MALRD1: variants seen among roughly 807,000 people sequenced by gnomAD.
MALRD1 encodes the protein MAM and LDL-receptor class A domain-containing protein 1.
In MALRD1, 247 loss-of-function variants were observed where a neutral mutation model predicts 242.1. The observed-to-expected ratio is 1.02, with a 90% confidence interval of 0.92 to 1.13. The LOEUF is 1.13. MALRD1 is among the 50% of genes most tolerant of loss of function. The probability of loss-of-function intolerance (pLI) is 0.00; values close to 1 mark genes in which losing one functional copy is unlikely to be tolerated. For missense variants in MALRD1, 2,989 were observed against 2,533.1 expected, an observed-to-expected ratio of 1.18 and a Z score of -3.86; for synonymous variants, 995 against 866.6, an observed-to-expected ratio of 1.15 and a Z score of -2.60.
intron 14 of MALRD1, among the ~76,000 whole-genome samples, chr10:19,184,390 G>A (rs1041042247): frequency 1.3e-5 from 2 of 152,082 alleles, no homozygotes; most frequent in Admixed American, 6.5e-5. Flanking sequence ...TCTCCTGGAC[G>A]GGTTATTTGA....
chr10:19,684,662 G>T (rs1403255595), intron 36 of MALRD1, among the ~76,000 whole-genome samples: 1 of 152,204 alleles, frequency 6.6e-6, no homozygotes, highest in Non-Finnish European at 1.5e-5. Context: ...TGAGGCAGGA[G>T]AATCTGTTGA....
At chr10:19,298,409 C>A (rs1164185132) in intron 21 of MALRD1, among the ~76,000 whole-genome samples, 1 of 150,244 alleles carries the variant, frequency 6.7e-6, no homozygotes, top group East Asian at 2.0e-4. Flanking sequence ...TGGAATGGGA[C>A]AAAGGATGTG....
chr10:19,175,555 A>G (rs961693305), intron 14 of MALRD1, among the ~76,000 whole-genome samples: 2 of 150,578 alleles, frequency 1.3e-5, no homozygotes, highest in Admixed American at 1.3e-4. Flanking sequence ...CTATGCTTGC[A>G]GCTGAAATTA....
chr10:19,682,180 C>T (rs76983885), intron 36 of MALRD1, among the ~76,000 whole-genome samples: 3,076 of 152,096 alleles, frequency 0.02, 115 homozygotes, highest in African/African-American at 0.071. Flanking sequence ...CAGTTCCTAC[C>T]AAATTAATCG....
At chr10:19,181,070 T>G (rs1399433962) in intron 14 of MALRD1, among the ~76,000 whole-genome samples, 2 of 152,158 alleles carry the variant, frequency 1.3e-5, no homozygotes, top group Admixed American at 1.3e-4. Flanking sequence ...CGTAACACAT[T>G]TTAGTAAGAG....
intron 7 of MALRD1, among the ~76,000 whole-genome samples, chr10:19,125,405 C>T (rs1837250001): frequency 7.5e-6 from 1 of 132,768 alleles, no homozygotes; most frequent in African/African-American, 2.9e-5. Flanking sequence ...TTCCTTCCAT[C>T]CATGCTTCCT....
intron 26 of MALRD1, among the ~76,000 whole-genome samples, chr10:19,358,468 T>G (rs1292733049): frequency 6.6e-6 from 1 of 152,150 alleles, no homozygotes; most frequent in African/African-American, 2.4e-5. Context: ...AATATCTGAC[T>G]GGTTGTGTGT....
chr10:19,590,841 C>T (rs1589278183), intron 33 of MALRD1, among the ~76,000 whole-genome samples: 1 of 152,108 alleles, frequency 6.6e-6, no homozygotes, highest in African/African-American at 2.4e-5. Context: ...TAACATTCTG[C>T]ACCAGAGTGG....
rs372249790 is a variant in MALRD1 at position 19,292,675 on chromosome 10, G to C, written c.3419+9494G>C. Among the ~76,000 whole-genome samples, 32 of 152,028 alleles carry C rather than the reference G, an allele frequency of 2.1e-4. No individual in the cohort carries two copies. The East Asian group carries it at 5.5e-3, about 26-fold the overall frequency. On this transcript the variant is annotated intron_variant, in intron 21 of 39. Coordinates refer to ENST00000454679, the MANE Select transcript of MALRD1 (RefSeq NM_001142308.3). ...TGGGAGGCTGAGGCGGGCGGATCAC[G>C]AGGTCAGGAGATCGAGACCACCCTG...
chr10:19,351,970 T>C, intron 25 of MALRD1, 36 bp from the exon 26 acceptor site: 1 of 1,443,218 alleles, frequency 6.9e-7, no homozygotes, highest in Non-Finnish European at 9.4e-7. Flanking sequence ...ATTATACTAA[T>C]CATATCGTAT....
intron 18 of MALRD1, among the ~76,000 whole-genome samples, chr10:19,244,255 A>G (rs979841807): frequency 1.3e-5 from 2 of 152,146 alleles, no homozygotes; most frequent in Admixed American, 6.6e-5. Flanking sequence ...GCACGCTTAG[A>G]TAATTTTATG....
chr10:19,662,463 T>C (rs1191604477), intron 36 of MALRD1, among the ~76,000 whole-genome samples: 2 of 152,166 alleles, frequency 1.3e-5, no homozygotes, highest in African/African-American at 4.8e-5. Flanking sequence ...AATTAAATAC[T>C]ATTTTCGAGT....
chr10:19,598,078 A>C (rs1413474374), intron 34 of MALRD1, among the ~76,000 whole-genome samples: 1 of 152,186 alleles, frequency 6.6e-6, no homozygotes, highest in Non-Finnish European at 1.5e-5. Context: ...ATATAACGGT[A>C]CTTAACTTGG....
Position 19,238,543 on chromosome 10 carries a change from A to ATG in MALRD1, c.2992-19140_2992-19139insGT, listed in dbSNP as rs1564492967. Among the ~76,000 whole-genome samples, 336 of 88,840 alleles carry ATG rather than the reference A, an allele frequency of 3.8e-3. 39 individuals are homozygous for ATG. The highest frequency in any genetic ancestry group is 1.0e-2 in the African/African-American group (244 of 24,512). 58.3% of individuals were successfully genotyped at this position (88,840 alleles called of 152,430 possible). A position where few individuals can be genotyped will look rare whatever the true frequency, so the allele number is the denominator to read the frequency against. ...TTATATATAATATACATTATATATA[A>ATG]TATATAATGTATATTATATATAATA... On this transcript the variant is annotated intron_variant, in intron 18 of 39. Transcript: ENST00000454679.
chr10:19,606,977 A>C (rs1312957159), intron 34 of MALRD1, among the ~76,000 whole-genome samples: 1 of 152,162 alleles, frequency 6.6e-6, no homozygotes, highest in Non-Finnish European at 1.5e-5. Flanking sequence ...ATCAGATATA[A>C]TTAAATTAAT....
Position 19,063,834 on chromosome 10 carries a change from C to T in MALRD1, c.200-2885C>T, listed in dbSNP as rs867737698. Among the ~76,000 whole-genome samples, 26 of 151,822 alleles carry T rather than the reference C, an allele frequency of 1.7e-4. 2 individuals are homozygous for T. The Middle Eastern group carries it at 0.017, about 100-fold the overall frequency. ...GGGAGGGATAGCATTAGGAGATATA[C>T]CTAATGCTAAATGACGAGTTAATGG... On this transcript the variant is annotated intron_variant, in intron 1 of 39. Coordinates refer to ENST00000454679, the MANE Select transcript of MALRD1 (RefSeq NM_001142308.3).
intron 39 of MALRD1, among the ~76,000 whole-genome samples, chr10:19,731,331 G>T (rs1385324670): frequency 1.3e-5 from 2 of 151,876 alleles, no homozygotes; most frequent in Non-Finnish European, 2.9e-5. Flanking sequence ...AACCTTTCTT[G>T]TTCCTTTTTT....
intron 19 of MALRD1, among the ~76,000 whole-genome samples, chr10:19,267,852 C>G (rs1840031610): frequency 6.6e-6 from 1 of 151,940 alleles, no homozygotes; most frequent in Non-Finnish European, 1.5e-5. Context: ...TGATTGCAAT[C>G]TTAAATATTC....
Position 19,387,718 on chromosome 10 carries a change from T to A in MALRD1, c.4632T>A (p.Val1544=). ...QADNFDWVLG[V]GSHQSLRPPK... Reference sequence around the variant, plus strand: ...ACAACTTTGATTGGGTTTTAGGGGTTGGCTCTCATCAAAGCTTAAGACCTC... The same window carrying A: ...ACAACTTTGATTGGGTTTTAGGGGTAGGCTCTCATCAAAGCTTAAGACCTC... Residue 1544 remains valine (V), a synonymous_variant, in exon 27 of 40, where the codon GTT becomes GTA. Transcript: ENST00000454679. 1 of 1,550,564 alleles carries A rather than the reference T, an allele frequency of 6.4e-7. No individual in the cohort carries two copies. The highest frequency in any genetic ancestry group is 8.7e-7 in the Non-Finnish European group (1 of 1,146,884).
Sources: allele counts gnomAD v4.1 joint callset (sites outside exome capture counted in the v4.1 genomes callset), GRCh38; gene constraint gnomAD v4.1.1; transcripts MANE v1.5; gene names NCBI Gene and HGNC (gene_info 2026-07-23, HGNC 2026-07-21).